TMEM161B: variants seen among roughly 807,000 people sequenced by gnomAD.
TMEM161B encodes the protein transmembrane protein 161B.
TMEM161B carries 34 observed loss-of-function variants against 61.8 expected under a neutral mutation model. The ratio of observed to expected loss-of-function variants is 0.55; its 90% CI spans 0.42 to 0.73. TMEM161B has a LOEUF of 0.73. TMEM161B is among the 30% of genes least tolerant of loss of function. The pLI, the probability that TMEM161B is intolerant of heterozygous loss-of-function variation, is 0.00. For missense variants in TMEM161B, 456 were observed against 558.5 expected (o/e 0.82, Z 1.85); for synonymous variants, 167 against 192.8 (o/e 0.87, Z 1.11).
intron 7 of TMEM161B, 159 bp downstream of exon 7, chr5:88,206,280 T>A: frequency 1.5e-6 from 1 of 653,468 alleles, no homozygotes; most frequent in East Asian, 2.8e-5. Flanking sequence ...AGACACTAAC[T>A]TTATATAGTC....
Position 88,199,214 on chromosome 5 carries a change from T to C in TMEM161B, c.915-64A>G, listed in dbSNP as rs540839756. The C allele has an allele frequency of 1.8e-5, 27 of 1,473,278 alleles. No homozygotes were observed. The East Asian group carries it at 5.2e-4, about 28-fold the overall frequency. The allele number at this position is 1,473,278 out of a possible 1,614,324, so 91.3% of individuals were successfully genotyped here. A position where few individuals can be genotyped will look rare whatever the true frequency, so the allele number is the denominator to read the frequency against. ...ACAATATGCTAGCATGCTCGTTATA[T>C]GTTAATGGTCACCATATAAGATATA... On this transcript the variant is annotated intron_variant, in intron 9 of 11. Coordinates refer to ENST00000296595, the MANE Select transcript of TMEM161B (RefSeq NM_153354.5).
chr5:88,246,868 CAT>C (rs1451480787), intron 1 of TMEM161B, among the ~76,000 whole-genome samples: 2 of 151,948 alleles, frequency 1.3e-5, no homozygotes, highest in Non-Finnish European at 2.9e-5. Context: ...AACACACAAC[CAT>C]ATGGGTCATT....
chr5:88,255,037 A>C (rs1554065226), intron 1 of TMEM161B, among the ~76,000 whole-genome samples: 1 of 152,144 alleles, frequency 6.6e-6, no homozygotes, highest in Non-Finnish European at 1.5e-5. Context: ...GGAGGAAAAA[A>C]ATGTCATGTC....
intron 5 of TMEM161B, among the ~76,000 whole-genome samples, chr5:88,208,421 G>A (rs1296642220): frequency 6.6e-6 from 1 of 151,864 alleles, no homozygotes; most frequent in Non-Finnish European, 1.5e-5. Flanking sequence ...GGCGGAGCTT[G>A]CAGTGAGCTG....
intron 1 of TMEM161B, among the ~76,000 whole-genome samples, chr5:88,262,518 G>A (rs1165806195): frequency 6.6e-6 from 1 of 152,130 alleles, no homozygotes; most frequent in East Asian, 1.9e-4. Context: ...CTCAGTAGGT[G>A]AATAGATAAA....
intron 5 of TMEM161B, among the ~76,000 whole-genome samples, chr5:88,209,407 T>C (rs1746241911): frequency 1.3e-5 from 2 of 152,296 alleles, no homozygotes; most frequent in South Asian, 4.1e-4. Flanking sequence ...CAAAATAGTA[T>C]CTTTGGCCAA....
chr5:88,255,193 G>C (rs1754810283), intron 1 of TMEM161B, among the ~76,000 whole-genome samples: 1 of 152,164 alleles, frequency 6.6e-6, no homozygotes, highest in African/African-American at 2.4e-5. Context: ...AGGTTCTTTG[G>C]TAGGTCTGAG....
At chr5:88,265,966 T>C (rs1756323675) in intron 1 of TMEM161B, among the ~76,000 whole-genome samples, 1 of 152,228 alleles carries the variant, frequency 6.6e-6, no homozygotes, top group African/African-American at 2.4e-5. Context: ...AGATTTATAT[T>C]TGATCAAAGT....
chr5:88,267,560 G>A (rs1756553350), intron 1 of TMEM161B, among the ~76,000 whole-genome samples: 1 of 152,086 alleles, frequency 6.6e-6, no homozygotes, highest in Non-Finnish European at 1.5e-5. Flanking sequence ...GCAAGTGAGG[G>A]TTTGAAATCT....
At chr5:88,193,794 A>G (rs886594833), downstream of TMEM161B, among the ~76,000 whole-genome samples, 2 of 152,198 alleles carry the variant, frequency 1.3e-5, no homozygotes, top group African/African-American at 4.8e-5. Flanking sequence ...CTAGTCCAAC[A>G]TGTGAGAATT....
chr5:88,227,746 G>A (rs191164827), intron 3 of TMEM161B, among the ~76,000 whole-genome samples: 72 of 152,236 alleles, frequency 4.7e-4, no homozygotes, highest in African/African-American at 1.7e-3. Context: ...CAGAGTCACA[G>A]GGGACCTAAG....
intron 5 of TMEM161B, 39 bp from the exon 6 acceptor site, chr5:88,207,219 T>C: frequency 1.3e-6 from 2 of 1,569,370 alleles, no homozygotes; most frequent in Non-Finnish European, 1.7e-6. Flanking sequence ...ACAATAAATT[T>C]ATAGGAGCTA....
At chr5:88,190,527 T>G (rs1748701294), downstream of TMEM161B, among the ~76,000 whole-genome samples, 2 of 152,102 alleles carry the variant, frequency 1.3e-5, no homozygotes, top group Admixed American at 1.3e-4. Context: ...CAAGATCAGG[T>G]GCTTGAGGGA....
intron 3 of TMEM161B, among the ~76,000 whole-genome samples, chr5:88,226,492 C>T (rs1335478766): frequency 2.6e-5 from 4 of 152,170 alleles, no homozygotes; most frequent in Non-Finnish European, 5.9e-5. Flanking sequence ...TTTAGACACA[C>T]AGTTGCCCAG....
At chr5:88,244,183 G>A (rs1434747735) in intron 1 of TMEM161B, among the ~76,000 whole-genome samples, 1 of 151,764 alleles carries the variant, frequency 6.6e-6, no homozygotes, top group African/African-American at 2.4e-5. Flanking sequence ...ATTGCTTTTG[G>A]CATCTTTGTC....
At chr5:88,223,582 T>C (rs1030525492) in intron 4 of TMEM161B, among the ~76,000 whole-genome samples, 48 of 152,142 alleles carry the variant, frequency 3.2e-4, no homozygotes, top group African/African-American at 1.1e-3. Context: ...GAGGAAGACA[T>C]AACCAGTCTT....
chr5:88,206,360 A>G, intron 7 of TMEM161B, 79 bp downstream of exon 7: 3 of 1,174,296 alleles, frequency 2.6e-6, no homozygotes, highest in African/African-American at 1.6e-5. Flanking sequence ...AATTTAAAAC[A>G]GCTATTTATA....
intron 2 of TMEM161B, among the ~76,000 whole-genome samples, chr5:88,229,696 A>G (rs7716599): frequency 0.019 from 2,734 of 146,688 alleles, 90 homozygotes; most frequent in African/African-American, 0.064. Flanking sequence ...AGACCCCCCA[A>G]TTCTTCAATT....
intron 1 of TMEM161B, among the ~76,000 whole-genome samples, chr5:88,242,152 C>T (rs1489885125): frequency 6.6e-6 from 1 of 151,648 alleles, no homozygotes; most frequent in Non-Finnish European, 1.5e-5. Context: ...ACAGCCTTCT[C>T]TCAACCTCAT....
Sources: gnomAD v4.1 joint callset for allele counts (sites outside exome capture counted in the v4.1 genomes callset) on GRCh38, gnomAD v4.1.1 for gene constraint, MANE v1.5 for transcripts, NCBI Gene and HGNC (gene_info 2026-07-23, HGNC 2026-07-21) for gene names.